Variants in GRIN1 observed in about 807,000 individuals in gnomAD.
The protein encoded by GRIN1 is glutamate receptor ionotropic, NMDA 1.
GRIN1 carries 38 observed loss-of-function variants against 103.0 expected under a neutral mutation model. That is an observed-to-expected ratio of 0.37 (90% CI 0.28 to 0.48). The LOEUF (loss-of-function observed/expected upper bound fraction) is 0.48, where lower values mean the gene tolerates loss of function less well. Ranked by LOEUF, GRIN1 falls within the 20% of genes least tolerant of loss-of-function variation. The pLI, the probability that GRIN1 is intolerant of heterozygous loss-of-function variation, is 0.98. For missense variants in GRIN1, 577 were observed against 1,288.9 expected, an observed-to-expected ratio of 0.45 and a Z score of 8.46; for synonymous variants, 544 against 532.7, an observed-to-expected ratio of 1.02 and a Z score of -0.29.
intron 4 of GRIN1, among the ~76,000 whole-genome samples, chr9:137,152,817 C>T (rs1247970158): frequency 6.6e-6 from 1 of 152,134 alleles, no homozygotes; most frequent in Admixed American, 6.5e-5. Flanking sequence ...CACACGTGCA[C>T]AAATGCATGT....
chr9:137,147,696 G>A (rs548021922), intron 3 of GRIN1, among the ~76,000 whole-genome samples: 72 of 152,346 alleles, frequency 4.7e-4, no homozygotes, highest in African/African-American at 1.6e-3. Context: ...AGGATACCTC[G>A]GTCTCTTGAG....
intron 19 of GRIN1, among the ~76,000 whole-genome samples, chr9:137,166,749 C>T (rs1588742859): frequency 6.6e-6 from 1 of 152,372 alleles, no homozygotes; most frequent in Non-Finnish European, 1.5e-5. Context: ...TTCCTGGAGC[C>T]ACCTCTGCTG....
At chr9:137,140,241 G>C (rs528433612) in intron 1 of GRIN1, among the ~76,000 whole-genome samples, 7 of 152,342 alleles carry the variant, frequency 4.6e-5, no homozygotes, top group Non-Finnish European at 7.3e-5. Flanking sequence ...CGCTTTGTGG[G>C]GGTGGGAGTG....
intron 8 of GRIN1, among the ~76,000 whole-genome samples, chr9:137,160,528 C>T (rs1833474584): frequency 6.6e-6 from 1 of 152,154 alleles, no homozygotes; most frequent in Non-Finnish European, 1.5e-5. Flanking sequence ...CTCCCGGGTT[C>T]ACGCCATTCT....
intron 18 of GRIN1, 107 bp downstream of exon 18, chr9:137,164,011 CT>C: frequency 7.4e-7 from 1 of 1,355,666 alleles, no homozygotes; most frequent in Non-Finnish European, 1.1e-6. Flanking sequence ...GTGGGCAGGA[CT>C]GGAGCTAGGA....
In GRIN1 at chr9:137,168,485, G is replaced by C. The variant is rs909921605; in HGVS notation, c.*958G>C. 2 of 192,780 alleles carry C rather than the reference G, an allele frequency of 1.0e-5. No individual in the cohort carries two copies. The highest frequency in any genetic ancestry group is 1.7e-4 in the South Asian group (1 of 5,806). 11.9% of individuals were successfully genotyped at this position (192,780 alleles called of 1,614,324 possible). A position where few individuals can be genotyped will look rare whatever the true frequency, so the allele number is the denominator to read the frequency against. On this transcript the variant is annotated 3_prime_UTR_variant, in exon 20 of 20. Transcript: ENST00000371561. ...CAGCCCAGAACGGGCCTCCCCGGGGGTCCCCGGACGCTGGCTCGGGACTGT... is the reference window on the plus strand; with the variant it reads ...CAGCCCAGAACGGGCCTCCCCGGGGCTCCCCGGACGCTGGCTCGGGACTGT...
Position 137,167,561 on chromosome 9 carries a change from C to CGCAGACAG in GRIN1, c.*35_*42dup. ...GCCCGCCCTCCTCTGCCCCCTCCCC[C>CGCAGACAG]GCAGACAGACAGACAGACGGACGGG... On this transcript the variant is annotated 3_prime_UTR_variant, in exon 20 of 20. Coordinates refer to ENST00000371561, the MANE Select transcript of GRIN1 (RefSeq NM_007327.4). 6.5e-7 allele frequency: 1 copy of CGCAGACAG among 1,546,222 alleles called. No individual in the cohort carries two copies. The highest frequency in any genetic ancestry group is 8.7e-7 in the Non-Finnish European group (1 of 1,144,104).
At chr9:137,150,233 G>A (rs1320241728) in intron 4 of GRIN1, among the ~76,000 whole-genome samples, 1 of 152,120 alleles carries the variant, frequency 6.6e-6, no homozygotes, top group East Asian at 1.9e-4. Context: ...TGGGCTCCAG[G>A]AAAAAAGATT....
chr9:137,154,891 G>T (rs1207063252), intron 4 of GRIN1, among the ~76,000 whole-genome samples: 4 of 152,212 alleles, frequency 2.6e-5, no homozygotes, highest in African/African-American at 4.8e-5. Context: ...TCTCCCAGGA[G>T]TGCAGAGAGG....
intron 19 of GRIN1, among the ~76,000 whole-genome samples, chr9:137,166,821 G>C (rs1199284399): frequency 6.6e-6 from 1 of 152,266 alleles, no homozygotes; most frequent in Non-Finnish European, 1.5e-5. Context: ...GGAACAGGGA[G>C]GGGGAATAGC....
In GRIN1 at chr9:137,168,255, C is replaced by T. The variant is rs1028906533; in HGVS notation, c.*728C>T. The T allele has an allele frequency of 1.8e-5, 5 of 272,700 alleles. No individual in the cohort carries two copies. The highest frequency in any genetic ancestry group is 7.0e-5 in the African/African-American group (3 of 43,128). The allele number at this position is 272,700 out of a possible 1,614,324, so 16.9% of individuals were successfully genotyped here. ...TCGCCCCTCCTCGGGCGCCTGCGCT[C>T]CTCTGCAGCCTGAGCTCCACCCTCC... On this transcript the variant is annotated 3_prime_UTR_variant, in exon 20 of 20. Coordinates refer to ENST00000371561, the MANE Select transcript of GRIN1 (RefSeq NM_007327.4).
chr9:137,144,301 G>A (rs898825644), intron 2 of GRIN1, among the ~76,000 whole-genome samples: 4 of 151,834 alleles, frequency 2.6e-5, no homozygotes, highest in African/African-American at 9.7e-5. Context: ...GGTCTAAAAA[G>A]TGTCCCCAGG....
At chr9:137,143,084 T>C (rs1234449408) in intron 2 of GRIN1, among the ~76,000 whole-genome samples, 1 of 152,240 alleles carries the variant, frequency 6.6e-6, no homozygotes, top group Non-Finnish European at 1.5e-5. Flanking sequence ...CAGACAGACC[T>C]GCAGGGCCAC....
At chr9:137,152,624 G>C (rs905528260) in intron 4 of GRIN1, among the ~76,000 whole-genome samples, 1 of 152,064 alleles carries the variant, frequency 6.6e-6, no homozygotes, top group African/African-American at 2.4e-5. Flanking sequence ...CGTGCACTGC[G>C]GTCCCACAGG....
chr9:137,167,601 C>T lies in GRIN1; in HGVS notation c.*74C>T. ...AGACGGACGGGACAGCGGCCCGGCC[C>T]ACGCAGAGCCCCGGAGCACCACGGG... On this transcript the variant is annotated 3_prime_UTR_variant, in exon 20 of 20. Coordinates refer to ENST00000371561, the MANE Select transcript of GRIN1 (RefSeq NM_007327.4). 1 of 1,529,242 alleles carries T rather than the reference C, an allele frequency of 6.5e-7. No individual in the cohort carries two copies. Among genetic ancestry groups the T allele is most frequent in the Non-Finnish European group, 8.8e-7 (1 of 1,134,922 alleles). The allele number at this position is 1,529,242 out of a possible 1,614,324, so 94.7% of individuals were successfully genotyped here. A position where few individuals can be genotyped will look rare whatever the true frequency, so the allele number is the denominator to read the frequency against.
rs1833519693 is a variant in GRIN1 at position 137,161,207 on chromosome 9, C to T, written c.1339+10C>T. 6.2e-7 allele frequency: 1 copy of T among 1,605,420 alleles called. No individual in the cohort carries two copies. On this transcript the variant is annotated intron_variant, in intron 9 of 19. Coordinates refer to ENST00000371561, the MANE Select transcript of GRIN1 (RefSeq NM_007327.4). ...ACGTCGCCGGGCAGCCGTGAGTGCG[C>T]GGGGCAGGGCGCGGGGCGCGGGGCA...
chr9:137,155,920 G>A (rs1477708597), intron 4 of GRIN1, among the ~76,000 whole-genome samples: 1 of 152,214 alleles, frequency 6.6e-6, no homozygotes, highest in Non-Finnish European at 1.5e-5. Flanking sequence ...GACTCCAGGG[G>A]GAAAGCCGCC....
chr9:137,156,312 A>G (rs374219151), intron 4 of GRIN1, among the ~76,000 whole-genome samples: 1 of 152,178 alleles, frequency 6.6e-6, no homozygotes, highest in East Asian at 1.9e-4. Context: ...GAAGGAAGTC[A>G]GTCCCATAAG....
Position 137,139,483 on chromosome 9 carries a change from G to A in GRIN1, c.-4G>A. ...GCGCAGAGCCAGGCCCGCGGCCCGA[G>A]CCCATGAGCACCATGCGCCTGCTGA... is the stretch of plus-strand genomic sequence containing the variant. On this transcript the variant is annotated 5_prime_UTR_variant, in exon 1 of 20. Coordinates refer to ENST00000371561, the MANE Select transcript of GRIN1 (RefSeq NM_007327.4). The surrounding 1 kb of genome is among the most constrained non-coding windows in gnomAD (Gnocchi z 7.7). The A allele has an allele frequency of 6.4e-7, 1 of 1,574,788 alleles. No individual in the cohort carries two copies. Among genetic ancestry groups the A allele is most frequent in the Non-Finnish European group, 8.6e-7 (1 of 1,159,606 alleles).
Sources: allele counts gnomAD v4.1 joint callset (sites outside exome capture counted in the v4.1 genomes callset), GRCh38; gene constraint gnomAD v4.1.1; non-coding constraint Gnocchi (gnomAD v3.1); transcripts MANE v1.5; gene names NCBI Gene and HGNC (gene_info 2026-07-23, HGNC 2026-07-21).